Variants in ITPR2 observed in about 807,000 individuals in gnomAD.
The protein encoded by ITPR2 is inositol 1,4,5-trisphosphate receptor type 2.
In ITPR2, 207 loss-of-function variants were observed where a neutral mutation model predicts 317.1. The observed-to-expected ratio is 0.65, with a 90% CI of 0.58 to 0.73. The LOEUF is 0.73. Among genes scored for constraint, ITPR2 ranks in the 30% least tolerant of loss-of-function variants. ITPR2 has a pLI of 0.00. For missense variants in ITPR2, 2,613 were observed against 3,284.0 expected (o/e 0.80, Z 4.99); for synonymous variants, 1,156 against 1,149.1 (o/e 1.01, Z -0.12).
intron 37 of ITPR2, among the ~76,000 whole-genome samples, chr12:26,499,253 G>A (rs2136885441): frequency 6.6e-6 from 1 of 152,228 alleles, no homozygotes; most frequent in South Asian, 2.1e-4. Flanking sequence ...GTGCCTATCA[G>A]ATTCATAGAC....
intron 50 of ITPR2, among the ~76,000 whole-genome samples, chr12:26,416,778 C>T (rs565367343): frequency 7.2e-4 from 110 of 152,262 alleles, no homozygotes; most frequent in Non-Finnish European, 1.3e-3. Context: ...ATTGTCAACA[C>T]TGTGGCTTAT....
At chr12:26,459,495 G>A (rs982714640) in intron 45 of ITPR2, among the ~76,000 whole-genome samples, 1 of 152,220 alleles carries the variant, frequency 6.6e-6, no homozygotes, top group African/African-American at 2.4e-5. Flanking sequence ...GTTCTTGGAA[G>A]GCTGCTGGTG....
chr12:26,697,377 A>G (rs1339736679), intron 9 of ITPR2, among the ~76,000 whole-genome samples: 2 of 152,240 alleles, frequency 1.3e-5, no homozygotes, highest in Non-Finnish European at 2.9e-5. Context: ...TCCTTCTCAG[A>G]GTCTTTCTCA....
intron 2 of ITPR2, among the ~76,000 whole-genome samples, chr12:26,766,615 A>T (rs971029673): frequency 1.3e-5 from 2 of 152,108 alleles, no homozygotes; most frequent in African/African-American, 4.8e-5. Context: ...AAGAGTTTTT[A>T]ATTTTTATGA....
intron 36 of ITPR2, among the ~76,000 whole-genome samples, chr12:26,553,864 G>A (rs1420622589): frequency 6.6e-6 from 1 of 152,182 alleles, no homozygotes; most frequent in Non-Finnish European, 1.5e-5. Context: ...GAAACCCTTA[G>A]TTCTTCACAG....
At chr12:26,461,627 A>AT (rs1942023954) in intron 45 of ITPR2, among the ~76,000 whole-genome samples, 7 of 48,718 alleles carry the variant, frequency 1.4e-4, no homozygotes, top group African/African-American at 4.2e-4. Flanking sequence ...AAAGCATATA[A>AT]ATATATATAT....
intron 5 of ITPR2, among the ~76,000 whole-genome samples, chr12:26,718,055 TTTTC>T (rs921335845): frequency 1.3e-5 from 2 of 152,212 alleles, no homozygotes; most frequent in African/African-American, 2.4e-5. Context: ...AATTACATTT[TTTTC>T]TTTATTTCTT....
At chr12:26,576,898 C>T (rs1236620216) in intron 34 of ITPR2, among the ~76,000 whole-genome samples, 1 of 152,166 alleles carries the variant, frequency 6.6e-6, no homozygotes, top group Non-Finnish European at 1.5e-5. Flanking sequence ...ACAGAGCCCT[C>T]ATAAATGAAT....
At chr12:26,821,381 A>T (rs1239887632) in intron 1 of ITPR2, among the ~76,000 whole-genome samples, 1 of 152,216 alleles carries the variant, frequency 6.6e-6, no homozygotes, top group Non-Finnish European at 1.5e-5. Context: ...GCCAAATTCC[A>T]TCACCTCATA....
intron 51 of ITPR2, among the ~76,000 whole-genome samples, chr12:26,414,430 G>T (rs771579800): frequency 6.6e-6 from 1 of 152,138 alleles, no homozygotes; most frequent in Non-Finnish European, 1.5e-5. Flanking sequence ...ACATTTAACG[G>T]TTTGAGGAGA....
Position 26,387,524 on chromosome 12 carries a change from C to T in ITPR2, c.7767G>A (p.Met2589Ile), listed in dbSNP as rs1939700873. The stretch of plus-strand genomic sequence containing the variant: ...GGACTATGAAGTACAAATAATGCCA[C>T]ATATTGTGTTCTGACTTAATGTGCT... Reference protein sequence around the residue: ...FEEHIKSEHNMWHYLYFIVLV... With the variant: ...FEEHIKSEHNIWHYLYFIVLV... Residue 2589 changes from methionine to isoleucine, a missense_variant, in exon 55 of 57, where the codon ATG becomes ATA. Around this residue, in one of 9 missense-constraint regions of ITPR2, gnomAD observed 119 missense variants for 144.3 expected, o/e 0.82. Transcript: ENST00000381340. 6.2e-7 allele frequency: 1 copy of T among 1,613,644 alleles called. No individual in the cohort carries two copies. Among genetic ancestry groups the T allele is most frequent in the South Asian group, 1.1e-5 (1 of 91,076 alleles).
chr12:26,551,762 C>A (rs1245969777), intron 36 of ITPR2, among the ~76,000 whole-genome samples: 1 of 152,196 alleles, frequency 6.6e-6, no homozygotes, highest in African/African-American at 2.4e-5. Flanking sequence ...ATGGTATGAA[C>A]ACAGGACAGA....
At position 26,578,640 on chromosome 12, in the gene ITPR2, G is replaced by A. The variant is rs150129690; in HGVS notation, c.4630+73C>T. 1.6e-3 allele frequency: 2,178 copies of A among 1,359,474 alleles called. 7 individuals are homozygous for A. The highest frequency in any genetic ancestry group is 2.1e-3 in the Admixed American group (115 of 54,826). 84.2% of individuals were successfully genotyped at this position (1,359,474 alleles called of 1,614,324 possible). The stretch of plus-strand genomic sequence containing the variant: ...TAAGTTGTAAATTGGGAAGCTGCTT[G>A]TGTTGCCCATTAGCCAAAAACCTAA... On this transcript the variant is annotated intron_variant, in intron 34 of 56. Coordinates refer to ENST00000381340, the MANE Select transcript of ITPR2 (RefSeq NM_002223.4).
At chr12:26,629,549 G>C (rs1946699294) in intron 22 of ITPR2, among the ~76,000 whole-genome samples, 1 of 151,136 alleles carries the variant, frequency 6.6e-6, no homozygotes, top group Non-Finnish European at 1.5e-5. Context: ...CTGTGCCACT[G>C]CATTTCTGCC....
At chr12:26,418,078 T>G (rs1333760196) in intron 50 of ITPR2, among the ~76,000 whole-genome samples, 1 of 152,190 alleles carries the variant, frequency 6.6e-6, no homozygotes, top group African/African-American at 2.4e-5. Context: ...GAAAACATAA[T>G]AGACAAATCT....
intron 26 of ITPR2, among the ~76,000 whole-genome samples, chr12:26,618,524 G>GA (rs1339491014): frequency 6.6e-6 from 1 of 152,194 alleles, no homozygotes; most frequent in African/African-American, 2.4e-5. Flanking sequence ...TCAAAAGTGG[G>GA]AAAGTGAGAA....
At chr12:26,817,499 A>G (rs1950879794) in intron 1 of ITPR2, among the ~76,000 whole-genome samples, 1 of 152,134 alleles carries the variant, frequency 6.6e-6, no homozygotes, top group Non-Finnish European at 1.5e-5. Context: ...GCCCCACTAC[A>G]GCTGTTTGGT....
At chr12:26,729,216 C>T (rs750734438) in intron 2 of ITPR2, among the ~76,000 whole-genome samples, 6 of 152,104 alleles carry the variant, frequency 3.9e-5, no homozygotes, top group Non-Finnish European at 7.4e-5. Flanking sequence ...AAAAAAAGCT[C>T]AGCATCACTG....
chr12:26,715,220 T>A (rs1226727013), intron 8 of ITPR2, 79 bp downstream of exon 8: 17 of 1,282,052 alleles, frequency 1.3e-5, no homozygotes, highest in Non-Finnish European at 1.9e-5. Flanking sequence ...ATGATGCCTA[T>A]AACAATAAAA....
Sources: allele counts gnomAD v4.1 joint callset (sites outside exome capture counted in the v4.1 genomes callset), GRCh38; gene constraint gnomAD v4.1.1; regional missense constraint gnomAD v4.1.1; transcripts MANE v1.5; gene names NCBI Gene and HGNC (gene_info 2026-07-23, HGNC 2026-07-21).